FAM193A: variants seen among roughly 807,000 people sequenced by gnomAD.
FAM193A encodes the protein family with sequence similarity 193 member A.
Under a neutral mutation model 126.5 loss-of-function variants are expected in FAM193A, and 22 were observed. The ratio of observed to expected loss-of-function variants is 0.17; its 90% CI spans 0.12 to 0.25. FAM193A has a LOEUF of 0.25. Among genes scored for constraint, FAM193A ranks in the 10% least tolerant of loss-of-function variants. FAM193A has a pLI of 1.00. For synonymous variants in FAM193A, 761 were observed against 646.8 expected (o/e 1.18, Z -2.68); for missense variants, 1,675 against 1,672.8 (o/e 1.00, Z -0.02).
At chr4:2,609,226 C>T (rs1240424562) in intron 2 of FAM193A, among the ~76,000 whole-genome samples, 1 of 152,080 alleles carries the variant, frequency 6.6e-6, no homozygotes, top group East Asian at 1.9e-4. Flanking sequence ...TCACTTTAAA[C>T]CACCTTGAGT....
chr4:2,605,007 C>G (rs558095388), intron 2 of FAM193A, among the ~76,000 whole-genome samples: 1 of 150,240 alleles, frequency 6.7e-6, no homozygotes, highest in East Asian at 2.0e-4. Flanking sequence ...TGGGTCCCTA[C>G]TGTGTTGCCC....
At chr4:2,626,160 G>C (rs551807992) in intron 3 of FAM193A, among the ~76,000 whole-genome samples, 9 of 152,286 alleles carry the variant, frequency 5.9e-5, no homozygotes, top group African/African-American at 2.2e-4. Flanking sequence ...GGGGATGTGG[G>C]TACCCTAATT....
intron 2 of FAM193A, among the ~76,000 whole-genome samples, chr4:2,602,660 A>ATGTTTT (rs1741268980): frequency 2.0e-5 from 3 of 149,128 alleles, no homozygotes; most frequent in Non-Finnish European, 3.0e-5. Context: ...TTTCGTTTTG[A>ATGTTTT]TGTTTTTGTT....
intron 1 of FAM193A, among the ~76,000 whole-genome samples, chr4:2,577,411 G>GTTTTTTTTTTTTTTTTTTTT (rs67407606): frequency 7.9e-5 from 8 of 101,858 alleles, no homozygotes; most frequent in Non-Finnish European, 1.1e-4. Flanking sequence ...AATTAAAGTG[G>GTTTTTTTTTTTTTTTTTTTT]TTTTTTTTTT....
chr4:2,575,207 A>AGAT (rs1228596667), intron 1 of FAM193A, among the ~76,000 whole-genome samples: 1 of 152,190 alleles, frequency 6.6e-6, no homozygotes, highest in African/African-American at 2.4e-5. Flanking sequence ...AAGAAAGCAT[A>AGAT]GATCAGGTCA....
At chr4:2,713,726 G>A (rs1379577589) in intron 19 of FAM193A, among the ~76,000 whole-genome samples, 2 of 152,214 alleles carry the variant, frequency 1.3e-5, no homozygotes, top group African/African-American at 4.8e-5. Context: ...GCTCCCGCTT[G>A]CCTCTGCTGA....
Position 2,590,776 on chromosome 4 carries a change from C to G in FAM193A, c.256-5308C>G, listed in dbSNP as rs1433841547. Among the ~76,000 whole-genome samples, 2 of 151,780 alleles carry G rather than the reference C, an allele frequency of 1.3e-5. 1 individual carries two copies. Among genetic ancestry groups the G allele is most frequent in the South Asian group, 4.2e-4 (2 of 4,798 alleles). On this transcript the variant is annotated intron_variant, in intron 1 of 20. Transcript: ENST00000637812. ...GGCGCAGTGGCTCACACCTGTAATC[C>G]CAGCATTGTGAGAGGCCGAGGCGGG...
intron 1 of FAM193A, among the ~76,000 whole-genome samples, chr4:2,574,625 C>T (rs1739483323): frequency 6.6e-6 from 1 of 152,228 alleles, no homozygotes; most frequent in South Asian, 2.1e-4. Flanking sequence ...CTCTAATGCT[C>T]AGAAGCAAAA....
chr4:2,727,007 T>C (rs1364647068), intron 20 of FAM193A, among the ~76,000 whole-genome samples: 2 of 148,398 alleles, frequency 1.3e-5, no homozygotes, highest in African/African-American at 5.0e-5. Flanking sequence ...CTGCCTGTAA[T>C]CCCACTACTT....
intron 2 of FAM193A, among the ~76,000 whole-genome samples, chr4:2,608,807 C>T (rs1196621073): frequency 2.6e-5 from 4 of 151,972 alleles, no homozygotes; most frequent in Admixed American, 2.6e-4. Flanking sequence ...ATAGTCAGGA[C>T]CAAGCCTGTG....
intron 1 of FAM193A, among the ~76,000 whole-genome samples, chr4:2,584,786 G>A (rs946640731): frequency 1.3e-5 from 2 of 152,096 alleles, no homozygotes; most frequent in East Asian, 1.9e-4. Flanking sequence ...TTAGCTGGGC[G>A]TGGTGGTGTG....
At chr4:2,568,660 G>T (rs1739109849) in intron 1 of FAM193A, among the ~76,000 whole-genome samples, 1 of 152,188 alleles carries the variant, frequency 6.6e-6, no homozygotes, top group African/African-American at 2.4e-5. Flanking sequence ...GGTGTGTGTT[G>T]TTACCAGGTG....
intron 12 of FAM193A, among the ~76,000 whole-genome samples, chr4:2,671,365 C>T (rs969957856): frequency 6.6e-6 from 1 of 152,198 alleles, no homozygotes; most frequent in Non-Finnish European, 1.5e-5. Context: ...CTTCTAAGTT[C>T]ACTGCTTTTA....
intron 19 of FAM193A, among the ~76,000 whole-genome samples, chr4:2,709,666 G>T (rs1187153679): frequency 1.3e-5 from 2 of 152,054 alleles, no homozygotes; most frequent in African/African-American, 4.8e-5. Context: ...CCGAGAACAC[G>T]CCACTGCACT....
intron 13 of FAM193A, among the ~76,000 whole-genome samples, chr4:2,682,406 C>T (rs1197076998): frequency 6.6e-6 from 1 of 152,178 alleles, no homozygotes; most frequent in Non-Finnish European, 1.5e-5. Context: ...TCAAGCAGTC[C>T]TCCCACCTTG....
chr4:2,551,218 A>G (rs942387972), intron 1 of FAM193A, among the ~76,000 whole-genome samples: 17 of 152,196 alleles, frequency 1.1e-4, no homozygotes, highest in African/African-American at 4.1e-4. Flanking sequence ...TTGGTTTTAC[A>G]GGTTGAATAT....
At chr4:2,621,620 G>A (rs1003338875) in intron 2 of FAM193A, among the ~76,000 whole-genome samples, 1 of 152,194 alleles carries the variant, frequency 6.6e-6, no homozygotes, top group Non-Finnish European at 1.5e-5. Context: ...AGTACATACG[G>A]AAATAGGTGT....
chr4:2,657,798 A>G lies in FAM193A; in HGVS notation c.1312-5A>G. 6.2e-7 allele frequency: 1 copy of G among 1,601,584 alleles called. No individual in the cohort carries two copies. Among genetic ancestry groups the G allele is most frequent in the Non-Finnish European group, 8.5e-7 (1 of 1,174,132 alleles). ...TTTTTTCTGTTTTTTACATCCCCTT[A>G]CTAGATGACAATGAAAACCAAGCAG... On this transcript the variant is annotated splice_polypyrimidine_tract_variant and splice_region_variant and intron_variant, in intron 7 of 20. Transcript: ENST00000637812.
intron 7 of FAM193A, among the ~76,000 whole-genome samples, chr4:2,651,403 C>G (rs1179189612): frequency 1.3e-5 from 2 of 152,144 alleles, no homozygotes; most frequent in South Asian, 2.1e-4. Flanking sequence ...TTCATTGATT[C>G]ACAGTTCCGC....
Sources: allele counts gnomAD v4.1 joint callset (sites outside exome capture counted in the v4.1 genomes callset), GRCh38; gene constraint gnomAD v4.1.1; transcripts MANE v1.5; gene names NCBI Gene and HGNC (gene_info 2026-07-23, HGNC 2026-07-21).